The following ANKDD1A variants were observed in gnomAD, a reference collection of about 807,000 sequenced individuals.
ANKDD1A encodes ankyrin repeat and death domain containing 1A.
Under a neutral mutation model 63.5 loss-of-function variants are expected in ANKDD1A, and 59 were observed. The ratio of observed to expected loss-of-function variants is 0.93; its 90% CI spans 0.75 to 1.15. ANKDD1A has a LOEUF of 1.15. Among genes scored for constraint, ANKDD1A ranks in the 50% most tolerant of loss-of-function variants. ANKDD1A has a pLI of 0.00. For missense variants in ANKDD1A, 632 were observed against 656.4 expected (o/e 0.96, Z 0.41); for synonymous variants, 266 against 263.9 (o/e 1.01, Z -0.08).
chr15:64,915,962 C>G, intron 2 of ANKDD1A, 62 bp downstream of exon 2: 1 of 1,496,194 alleles, frequency 6.7e-7, no homozygotes, highest in Admixed American at 1.8e-5. Context: ...TGCCAGTACA[C>G]AGGGGGAATA....
At chr15:64,939,508 C>T (rs1470849973) in intron 9 of ANKDD1A, among the ~76,000 whole-genome samples, 1 of 152,074 alleles carries the variant, frequency 6.6e-6, no homozygotes, top group Non-Finnish European at 1.5e-5. Context: ...CCTGTTCCTC[C>T]AGAGGCTGAG....
At chr15:64,943,227 G>C (rs2085198140) in intron 10 of ANKDD1A, 1 of 401,364 alleles carries the variant, frequency 2.5e-6, no homozygotes, top group East Asian at 4.1e-5. Context: ...GACAAAAATA[G>C]GCTAGTATGG....
chr15:64,952,879 TCTTCTCCTTCTTC>T (rs376579682), intron 14 of ANKDD1A, among the ~76,000 whole-genome samples: 1 of 114,170 alleles, frequency 8.8e-6, no homozygotes, highest in African/African-American at 3.0e-5. Flanking sequence ...TTCTCTTTCT[TCTTCTCCTTCTTC>T]CTTCTCCTTC....
chr15:64,927,015 G>A lies in ANKDD1A; in HGVS notation c.570+16G>A. On this transcript the variant is annotated intron_variant, in intron 6 of 14. Transcript: ENST00000319580. ...CAAAGACAAGGTACCGTGTCCGTGAGGCTCTGGGATCCTGACCAGGGTGCA... is the reference window on the plus strand; with the variant it reads ...CAAAGACAAGGTACCGTGTCCGTGAAGCTCTGGGATCCTGACCAGGGTGCA... The A allele has an allele frequency of 6.2e-7, 1 of 1,613,880 alleles. No individual in the cohort carries two copies. The highest frequency in any genetic ancestry group is 8.5e-7 in the Non-Finnish European group (1 of 1,179,784).
chr15:64,914,940 A>G (rs1272748110), intron 1 of ANKDD1A, among the ~76,000 whole-genome samples: 1 of 152,116 alleles, frequency 6.6e-6, no homozygotes, highest in Non-Finnish European at 1.5e-5. Flanking sequence ...CAGAGAAGAG[A>G]GACCACAGAG....
At chr15:64,933,810 C>T (rs1024807592) in intron 8 of ANKDD1A, among the ~76,000 whole-genome samples, 1 of 151,878 alleles carries the variant, frequency 6.6e-6, no homozygotes, top group South Asian at 2.1e-4. Context: ...CCATGTACTC[C>T]AGCTTGGGTG....
At chr15:64,941,688 T>C (rs1400703948) in intron 9 of ANKDD1A, among the ~76,000 whole-genome samples, 1 of 152,232 alleles carries the variant, frequency 6.6e-6, no homozygotes, top group Non-Finnish European at 1.5e-5. Context: ...AGTATTAGTT[T>C]CTAGTATCAA....
At chr15:64,950,190 C>T (rs1046636767) in intron 14 of ANKDD1A, 1 of 985,430 alleles carries the variant, frequency 1.0e-6, no homozygotes, top group Non-Finnish European at 1.2e-6. Flanking sequence ...TTGGCCCAAA[C>T]TGAACCCTGT....
intron 3 of ANKDD1A, among the ~76,000 whole-genome samples, chr15:64,921,220 A>G (rs1250893235): frequency 6.6e-6 from 1 of 152,214 alleles, no homozygotes; most frequent in South Asian, 2.1e-4. Flanking sequence ...AGTGATTCAC[A>G]TCTCAGAGTG....
chr15:64,952,780 TCCTTCTCCTTCTTCTTTTCTTCTC>T (rs2085320440), intron 14 of ANKDD1A, among the ~76,000 whole-genome samples: 1 of 25,254 alleles, frequency 4.0e-5, no homozygotes, highest in Admixed American at 8.7e-4. Context: ...CTTTTCTTCT[TCCTTCTCCTTCTTCTTTTCTTCTC>T]CTTCTCCTCC....
intron 13 of ANKDD1A, 45 bp downstream of exon 13, chr15:64,947,638 G>C: frequency 2.5e-6 from 4 of 1,590,514 alleles, no homozygotes; most frequent in Non-Finnish European, 3.4e-6. Context: ...TTGGGCGGAG[G>C]GGTGGGACAC....
chr15:64,930,222 A>G lies in ANKDD1A; in HGVS notation c.571-600A>G, dbSNP rs138670067. 9.7e-4 allele frequency among the ~76,000 whole-genome samples: 148 copies of G among 151,940 alleles called. 1 individual carries two copies. Among genetic ancestry groups the G allele is most frequent in the African/African-American group, 3.3e-3 (135 of 41,398 alleles). On this transcript the variant is annotated intron_variant, in intron 6 of 14. Coordinates refer to ENST00000319580, the MANE Select transcript of ANKDD1A (RefSeq NM_182703.6). ...ACGTTTACCGATGTAACAAACCTGC[A>G]CATTCTGCACACGTATCCCAGAACT...
intron 9 of ANKDD1A, among the ~76,000 whole-genome samples, chr15:64,941,443 A>G (rs943870080): frequency 6.6e-6 from 1 of 152,196 alleles, no homozygotes; most frequent in Non-Finnish European, 1.5e-5. Flanking sequence ...GTGTTGTGAC[A>G]TGATGGGAGG....
At chr15:64,950,098 T>C in intron 14 of ANKDD1A, 126 bp downstream of exon 14, 1 of 1,503,270 alleles carries the variant, frequency 6.7e-7, no homozygotes. Flanking sequence ...TCCAGATTCC[T>C]ACCCCTAGCC....
chr15:64,939,867 A>C (rs752205881), intron 9 of ANKDD1A, among the ~76,000 whole-genome samples: 1 of 152,232 alleles, frequency 6.6e-6, no homozygotes, highest in African/African-American at 2.4e-5. Flanking sequence ...CACAGACTTA[A>C]GTGTAAAACT....
At position 64,917,424 on chromosome 15, in the gene ANKDD1A, G is replaced by A; in HGVS notation, c.177G>A (p.Gly59=). Residue 59 remains glycine, a synonymous_variant, in exon 3 of 15, where the codon GGG becomes GGA. Coordinates refer to ENST00000319580, the MANE Select transcript of ANKDD1A (RefSeq NM_182703.6). ...RVALHWAAGA[G]HEQAVRLLLE... Reference sequence around the variant, plus strand: ...CCCTGCACTGGGCTGCAGGTGCAGGGCACGAGCAGGCTGTGCGTCTGCTTC... The same window carrying A: ...CCCTGCACTGGGCTGCAGGTGCAGGACACGAGCAGGCTGTGCGTCTGCTTC... The A allele has an allele frequency of 6.2e-7, 1 of 1,610,972 alleles. No individual in the cohort carries two copies. The highest frequency in any genetic ancestry group is 8.5e-7 in the Non-Finnish European group (1 of 1,179,234).
At chr15:64,946,093 A>C (rs1043951069) in intron 12 of ANKDD1A, among the ~76,000 whole-genome samples, 1 of 152,182 alleles carries the variant, frequency 6.6e-6, no homozygotes, top group Non-Finnish European at 1.5e-5. Flanking sequence ...TTTTCCTGTC[A>C]GTTTCAAGGA....
intron 6 of ANKDD1A, among the ~76,000 whole-genome samples, chr15:64,927,522 A>C (rs1235214371): frequency 6.6e-6 from 1 of 151,926 alleles, no homozygotes; most frequent in Non-Finnish European, 1.5e-5. Flanking sequence ...AGGGACGGGG[A>C]CCAGAGGGTC....
intron 14 of ANKDD1A, among the ~76,000 whole-genome samples, chr15:64,952,080 C>T: frequency 2.1e-4 from 1 of 4,676 alleles, no homozygotes; most frequent in Non-Finnish European, 2.8e-3. Flanking sequence ...CTTCTTCTTC[C>T]TTCTTTTCTT....
Sources: allele counts gnomAD v4.1 joint callset (sites outside exome capture counted in the v4.1 genomes callset), GRCh38; gene constraint gnomAD v4.1.1; transcripts MANE v1.5; gene names NCBI Gene and HGNC (gene_info 2026-07-23, HGNC 2026-07-21).